Variants in TENM2 observed in about 807,000 individuals in gnomAD.
TENM2 encodes teneurin-2.
TENM2 carries 52 observed loss-of-function variants against 245.2 expected under a neutral mutation model. The observed-to-expected ratio is 0.21, with a 90% CI of 0.17 to 0.27. The LOEUF (loss-of-function observed/expected upper bound fraction) is 0.27, where lower values mean the gene tolerates loss of function less well. Among genes scored for constraint, TENM2 ranks in the 10% least tolerant of loss-of-function variants. The pLI, the probability that TENM2 is intolerant of heterozygous loss-of-function variation, is 1.00. For missense variants in TENM2, 3,046 were observed against 3,666.8 expected (o/e 0.83, Z 4.37); for synonymous variants, 1,363 against 1,438.9 (o/e 0.95, Z 1.19).
chr5:168,018,417 A>T (rs1426033386), intron 5 of TENM2, among the ~76,000 whole-genome samples: 2 of 151,670 alleles, frequency 1.3e-5, no homozygotes, highest in African/African-American at 4.9e-5. Flanking sequence ...TCATAAGGAA[A>T]TAAGTATTTC....
intron 5 of TENM2, among the ~76,000 whole-genome samples, chr5:168,028,035 A>G (rs1385371684): frequency 6.6e-6 from 1 of 152,188 alleles, no homozygotes; most frequent in Non-Finnish European, 1.5e-5. Context: ...GCACAAATGG[A>G]GCTTGCAGAG....
chr5:167,991,555 G>A (rs115498265), intron 4 of TENM2, among the ~76,000 whole-genome samples: 1,982 of 152,236 alleles, frequency 0.013, 51 homozygotes, highest in African/African-American at 0.045. Context: ...AGAATTAATG[G>A]TCCTTCCTTA....
the TENM2 span, among the ~76,000 whole-genome samples, chr5:167,167,031 CA>C: frequency 4.3e-3 from 662 of 152,282 alleles, 5 homozygotes; most frequent in Non-Finnish European, 7.2e-3. Context: ...TCTTCACTTT[CA>C]AGCTGTGGCT....
chr5:167,856,914 G>A (rs1771146978), intron 2 of TENM2, among the ~76,000 whole-genome samples: 1 of 152,170 alleles, frequency 6.6e-6, no homozygotes, highest in Admixed American at 6.5e-5. Flanking sequence ...TTGTTAGAAA[G>A]CTCTTTACAT....
At chr5:167,632,450 A>C (rs187911066) in intron 2 of TENM2, among the ~76,000 whole-genome samples, 6 of 152,354 alleles carry the variant, frequency 3.9e-5, no homozygotes, top group Admixed American at 3.3e-4. Context: ...TCTACTCAGC[A>C]CTACATATTA....
chr5:168,075,989 C>T (rs780503662), intron 7 of TENM2, among the ~76,000 whole-genome samples: 3 of 152,090 alleles, frequency 2.0e-5, no homozygotes, highest in Admixed American at 2.0e-4. Flanking sequence ...CTCCCTCCCA[C>T]GACACATGGG....
the TENM2 span, among the ~76,000 whole-genome samples, chr5:167,090,765 G>A: frequency 6.6e-6 from 1 of 152,194 alleles, no homozygotes. Context: ...TGGTGGTGGT[G>A]TTAAAACACA....
At chr5:167,872,545 AAAGAGAAAGAAAGAAAGAAAGAAAGAAAG>A (rs762478144) in intron 2 of TENM2, among the ~76,000 whole-genome samples, 5,006 of 54,790 alleles carry the variant, frequency 0.091, 285 homozygotes, top group Middle Eastern at 0.16. Context: ...AGAAAGAAAG[AAAGAGAAAGAAAGAAAGAAAGAAAGAAAG>A]AAAGAAAGAG....
intron 2 of TENM2, among the ~76,000 whole-genome samples, chr5:167,563,917 C>T (rs1185565369): frequency 6.6e-6 from 1 of 152,138 alleles, no homozygotes; most frequent in East Asian, 1.9e-4. Context: ...TGTGTAAGTG[C>T]ACTCTATGAT....
chr5:167,681,389 G>A (rs1315792075), intron 2 of TENM2, among the ~76,000 whole-genome samples: 1 of 152,062 alleles, frequency 6.6e-6, no homozygotes, highest in Non-Finnish European at 1.5e-5. Flanking sequence ...TTTCAGAGAT[G>A]GAAGTACAAT....
chr5:167,793,107 G>C (rs1388717284), intron 2 of TENM2, among the ~76,000 whole-genome samples: 2 of 152,180 alleles, frequency 1.3e-5, no homozygotes, highest in Admixed American at 6.5e-5. Context: ...CCTTGAGAGA[G>C]CTTTGCCCTT....
At chr5:168,159,866 T>TA (rs763971164) in intron 12 of TENM2, among the ~76,000 whole-genome samples, 5 of 152,024 alleles carry the variant, frequency 3.3e-5, no homozygotes, top group East Asian at 1.9e-4. Context: ...GAGAAGGGGT[T>TA]AAAAAAAAGC....
chr5:167,178,203 G>T, the TENM2 span, among the ~76,000 whole-genome samples: 42 of 152,300 alleles, frequency 2.8e-4, no homozygotes. Flanking sequence ...AAAATCACAA[G>T]TGACAAGTTG....
chr5:168,062,054 T>C lies in TENM2; in HGVS notation c.1310-6T>C, dbSNP rs776288848. 12 of 1,605,700 alleles carry C rather than the reference T, an allele frequency of 7.5e-6. No homozygotes were observed. In the East Asian group the frequency reaches 2.0e-4, roughly 27 times the overall value. ...GACTGCTGTTTATTCCTTTTTTTTT[T>C]TTCAGTGCCCTGGTCGTTGAAAAAC... On this transcript the variant is annotated splice_polypyrimidine_tract_variant and splice_region_variant and intron_variant, in intron 6 of 28. Transcript: ENST00000518659.
chr5:168,263,516 C>T, downstream of TENM2: 1 of 152,582 alleles, frequency 6.6e-6, no homozygotes, highest in East Asian at 1.9e-4. Flanking sequence ...AAAAGAAATT[C>T]CTATCAAAAA....
chr5:168,059,326 T>C (rs568815941), intron 6 of TENM2, among the ~76,000 whole-genome samples: 95 of 152,330 alleles, frequency 6.2e-4, no homozygotes, highest in African/African-American at 2.1e-3. Flanking sequence ...GTTTCCACAG[T>C]AGATTAGAAC....
At position 168,247,819 on chromosome 5, in the gene TENM2, A is replaced by G; in HGVS notation, c.6880A>G (p.Ser2294Gly). The change falls in exon 27 of 29, where the codon AGC (serine) becomes GGC (glycine). Residue 2294 changes from serine to glycine, a missense_variant. Around this residue, in one of 2 missense-constraint regions of TENM2, gnomAD observed 2,704 missense variants for 3,331.9 expected, o/e 0.81. Transcript: ENST00000518659. This position sits in a 1 kb window ranked among gnomAD's most constrained non-coding sequence, Gnocchi z 7.8. ...CCTAACAAGAGCCTACAACAAGGCC[A>G]GCGGGTGGAGTGTCCAGTACCGCTA... 1 of 1,614,014 alleles carries G rather than the reference A, an allele frequency of 6.2e-7. No homozygotes were observed.
intron 13 of TENM2, among the ~76,000 whole-genome samples, chr5:168,164,557 G>C (rs893767134): frequency 6.6e-6 from 1 of 151,956 alleles, no homozygotes; most frequent in African/African-American, 2.4e-5. Flanking sequence ...TTTACTCTCC[G>C]GCCCTTTACA....
intron 1 of TENM2, among the ~76,000 whole-genome samples, chr5:167,313,407 C>T (rs1217411451): frequency 2.0e-5 from 3 of 151,984 alleles, no homozygotes; most frequent in Non-Finnish European, 4.4e-5. Context: ...TTTGGGAGGC[C>T]GAGGCAGGTG....
Sources: allele counts gnomAD v4.1 joint callset (sites outside exome capture counted in the v4.1 genomes callset), GRCh38; gene constraint gnomAD v4.1.1; regional missense constraint gnomAD v4.1.1; non-coding constraint Gnocchi (gnomAD v3.1); transcripts MANE v1.5; gene names NCBI Gene and HGNC (gene_info 2026-07-23, HGNC 2026-07-21).